Variants in YTHDF2 observed in about 807,000 individuals in gnomAD.
YTHDF2 encodes YTH N6-methyladenosine RNA binding protein F2.
In YTHDF2, 2 loss-of-function variants were observed where a neutral mutation model predicts 50.4. The ratio of observed to expected loss-of-function variants is 0.04; its 90% CI spans 0.02 to 0.12. The LOEUF (loss-of-function observed/expected upper bound fraction) is 0.12. Ranked by LOEUF, YTHDF2 falls within the 10% of genes least tolerant of loss-of-function variation. The pLI is 1.00. For synonymous variants in YTHDF2, 217 were observed against 255.6 expected (o/e 0.85, Z 1.44); for missense variants, 483 against 722.6 (o/e 0.67, Z 3.80).
chr1:28,738,956 A>G (rs1389108737), intron 3 of YTHDF2: 1 of 152,238 alleles, frequency 6.6e-6, no homozygotes, highest in Admixed American at 6.5e-5. Flanking sequence ...CATGTGCATG[A>G]ATAATTGTCT....
intron 4 of YTHDF2, 105 bp downstream of exon 4, chr1:28,744,091 A>G (rs1570464600): frequency 8.2e-7 from 1 of 1,217,942 alleles, no homozygotes; most frequent in South Asian, 1.8e-5. Context: ...AAATGAATAC[A>G]GTATCACCTA....
intron 4 of YTHDF2, among the ~76,000 whole-genome samples, chr1:28,759,605 T>C (rs1386361540): frequency 6.6e-6 from 1 of 152,216 alleles, no homozygotes; most frequent in African/African-American, 2.4e-5. Flanking sequence ...GCACTTGTAA[T>C]GCAATGATAA....
intron 4 of YTHDF2, among the ~76,000 whole-genome samples, chr1:28,757,709 A>G (rs1440633822): frequency 6.6e-6 from 1 of 151,534 alleles, no homozygotes; most frequent in African/African-American, 2.5e-5. Context: ...TATAAAATGT[A>G]ACCAAATTAT....
chr1:28,768,858 T>TG (rs1164067068), intron 4 of YTHDF2, 71 bp from the exon 5 acceptor site: 2 of 1,193,680 alleles, frequency 1.7e-6, no homozygotes, highest in Non-Finnish European at 2.4e-6. Context: ...AGTTATTCTG[T>TG]GAAGTTTTTA....
chr1:28,744,611 C>G (rs988234228), intron 4 of YTHDF2, among the ~76,000 whole-genome samples: 5 of 152,124 alleles, frequency 3.3e-5, no homozygotes, highest in Non-Finnish European at 5.9e-5. Flanking sequence ...TGAATGTAAA[C>G]TTTAGGATTA....
chr1:28,762,134 T>C (rs1188030255), intron 4 of YTHDF2, among the ~76,000 whole-genome samples: 3 of 152,212 alleles, frequency 2.0e-5, no homozygotes, highest in Non-Finnish European at 4.4e-5. Context: ...GGCTCACGCT[T>C]GTAATCCCAG....
chr1:28,760,859 T>A (rs2088113000), intron 4 of YTHDF2, among the ~76,000 whole-genome samples: 1 of 152,150 alleles, frequency 6.6e-6, no homozygotes. Flanking sequence ...GAATTACAGG[T>A]GTGAACCACT....
At chr1:28,747,990 TG>T (rs1363398008) in intron 4 of YTHDF2, among the ~76,000 whole-genome samples, 3 of 146,090 alleles carry the variant, frequency 2.1e-5, no homozygotes, top group Admixed American at 7.1e-5. Context: ...TAGCTGGGTG[TG>T]ATGGTGGGCT....
At chr1:28,752,876 C>T (rs1286437348) in intron 4 of YTHDF2, among the ~76,000 whole-genome samples, 1 of 151,324 alleles carries the variant, frequency 6.6e-6, no homozygotes, top group East Asian at 2.0e-4. Context: ...GACCTTGTCT[C>T]TACAAAAAAT....
chr1:28,743,124 C>T lies in YTHDF2; in HGVS notation c.854C>T (p.Ala285Val). ...ACTTGGGATAACAAGGGTCCCGTTG[C>T]AAAAGCCCCCTCACAGGCTTTGGTT... ...IGTWDNKGPVAKAPSQALVQN... is the reference protein window; with the variant it reads ...IGTWDNKGPVVKAPSQALVQN... Residue 285 changes from alanine (A) to valine (V), a missense_variant, in exon 4 of 5, where the codon GCA (alanine) becomes GTA (valine). Coordinates refer to ENST00000373812, the MANE Select transcript of YTHDF2 (RefSeq NM_016258.3). The surrounding 1 kb of genome is among the most constrained non-coding windows in gnomAD (Gnocchi z 6.9). 1 of 1,614,174 alleles carries T rather than the reference C, an allele frequency of 6.2e-7. No homozygotes were observed. The highest frequency in any genetic ancestry group is 1.3e-5 in the African/African-American group (1 of 75,046).
intron 4 of YTHDF2, among the ~76,000 whole-genome samples, chr1:28,752,854 G>T (rs2087978056): frequency 6.6e-6 from 1 of 151,864 alleles, no homozygotes; most frequent in Admixed American, 6.6e-5. Flanking sequence ...ACCAGCCTGG[G>T]CAGCATAGCG....
chr1:28,742,834 G>A lies in YTHDF2; in HGVS notation c.564G>A (p.Gly188=), dbSNP rs2087799658. 2 of 1,614,130 alleles carry A rather than the reference G, an allele frequency of 1.2e-6. No individual in the cohort carries two copies. The highest frequency in any genetic ancestry group is 1.7e-6 in the Non-Finnish European group (2 of 1,180,020). ...CTGGCATGAATACTATAGACCAAGG[G>A]ATGGCAGCACTGAAGTTGGGTAGCA... is the stretch of plus-strand genomic sequence containing the variant. ...KAPGMNTIDQ[G]MAALKLGSTE... Residue 188 remains glycine (G), a synonymous_variant, in exon 4 of 5, where the codon GGG becomes GGA. Transcript: ENST00000373812.
In YTHDF2 at chr1:28,743,762, A is replaced by G; in HGVS notation, c.1492A>G (p.Arg498Gly). The G allele has an allele frequency of 6.2e-7, 1 of 1,613,338 alleles. No homozygotes were observed. The highest frequency in any genetic ancestry group is 8.5e-7 in the Non-Finnish European group (1 of 1,179,600). ...QDKWKGRFDV[R>G]WIFVKDVPNS... ...CAAATGGAAGGGTCGTTTTGATGTCAGGTGGATTTTTGTGAAGGACGTTCC... is the reference window on the plus strand; with the variant it reads ...CAAATGGAAGGGTCGTTTTGATGTCGGGTGGATTTTTGTGAAGGACGTTCC... Residue 498 changes from arginine to glycine, a missense_variant, in exon 4 of 5, where the codon AGG becomes GGG. By Grantham distance (125) the Arg-to-Gly change is moderately radical. This residue lies in a region of YTHDF2 where 59 missense variants were observed against 168.9 expected (regional missense o/e 0.35). Coordinates refer to ENST00000373812, the MANE Select transcript of YTHDF2 (RefSeq NM_016258.3). The surrounding 1 kb of genome is among the most constrained non-coding windows in gnomAD (Gnocchi z 6.9).
intron 3 of YTHDF2, chr1:28,738,996 A>T (rs2087737508): frequency 6.6e-6 from 1 of 152,234 alleles, no homozygotes. Flanking sequence ...AGCAGTGCAG[A>T]ATTTAGGGAT....
chr1:28,766,742 C>G (rs2088224329), intron 4 of YTHDF2, among the ~76,000 whole-genome samples: 1 of 152,012 alleles, frequency 6.6e-6, no homozygotes, highest in Admixed American at 6.6e-5. Context: ...ACGTAATGCT[C>G]AAGTCACAGA....
At chr1:28,746,150 A>G (rs549222605) in intron 4 of YTHDF2, among the ~76,000 whole-genome samples, 5 of 152,298 alleles carry the variant, frequency 3.3e-5, no homozygotes, top group African/African-American at 1.2e-4. Flanking sequence ...CTAGAGGGAC[A>G]AGTAAGGAGG....
At chr1:28,747,345 G>C (rs894174588) in intron 4 of YTHDF2, among the ~76,000 whole-genome samples, 11 of 151,830 alleles carry the variant, frequency 7.2e-5, no homozygotes, top group African/African-American at 2.7e-4. Context: ...GCCGAGGCGA[G>C]CAGATCACGA....
intron 4 of YTHDF2, among the ~76,000 whole-genome samples, chr1:28,765,245 A>G (rs1270021104): frequency 6.6e-6 from 1 of 151,848 alleles, no homozygotes; most frequent in Non-Finnish European, 1.5e-5. Flanking sequence ...TAAGTGATCC[A>G]CCTGCCTCGG....
chr1:28,737,852 C>A, intron 2 of YTHDF2, 170 bp downstream of exon 2: 10 of 713,054 alleles, frequency 1.4e-5, no homozygotes, highest in Non-Finnish European at 2.0e-5. Context: ...AGCTGGCGAA[C>A]AGCTTTTTCG....
Sources: allele counts gnomAD v4.1 joint callset (sites outside exome capture counted in the v4.1 genomes callset), GRCh38; gene constraint gnomAD v4.1.1; regional missense constraint gnomAD v4.1.1; non-coding constraint Gnocchi (gnomAD v3.1); transcripts MANE v1.5; gene names NCBI Gene and HGNC (gene_info 2026-07-23, HGNC 2026-07-21).